NHS: variants seen among roughly 807,000 people sequenced by gnomAD.
NHS encodes actin remodeling regulator NHS.
Under a neutral mutation model 72.5 loss-of-function variants are expected in NHS, and 5 were observed. The observed-to-expected ratio is 0.07, with a 90% confidence interval of 0.04 to 0.14. The LOEUF is 0.14. NHS is among the 10% of genes least tolerant of loss of function. The pLI is 1.00. For synonymous variants in NHS, 464 were observed against 547.7 expected (o/e 0.85, Z 2.13); for missense variants, 1,072 against 1,355.7 (o/e 0.79, Z 3.29).
At chrX:17,704,582 G>A (rs1315644950) in intron 3 of NHS, among the ~76,000 whole-genome samples, 1 of 111,488 alleles carries the variant, frequency 9.0e-6, no homozygotes, top group Non-Finnish European at 1.9e-5. Flanking sequence ...ACAGGCGTGA[G>A]CCGCCACGCC....
intron 1 of NHS, among the ~76,000 whole-genome samples, chrX:17,512,184 A>C (rs2065092305): frequency 8.9e-6 from 1 of 111,975 alleles, no homozygotes; most frequent in African/African-American, 3.2e-5. Flanking sequence ...GAGTTTCTAG[A>C]AAATCACCAT....
intron 1 of NHS, among the ~76,000 whole-genome samples, chrX:17,616,261 G>C (rs2065746555): frequency 8.9e-6 from 1 of 112,733 alleles, no homozygotes; most frequent in South Asian, 3.7e-4. Flanking sequence ...CCTCTTCAGA[G>C]ATCTTGGCAG....
At chrX:17,554,461 G>T (rs762228044) in intron 1 of NHS, among the ~76,000 whole-genome samples, 18 of 112,564 alleles carry the variant, frequency 1.6e-4, no homozygotes, top group Non-Finnish European at 2.8e-4. Context: ...TGATGACAAG[G>T]TCATCAAGGA....
At chrX:17,686,508 G>A (rs1416110981) in intron 1 of NHS, among the ~76,000 whole-genome samples, 2 of 112,167 alleles carry the variant, frequency 1.8e-5, no homozygotes, top group Non-Finnish European at 3.8e-5. Context: ...GGGGTGCTCA[G>A]AAGCCCCTCT....
At chrX:17,457,937 G>C (rs73189136) in intron 1 of NHS, among the ~76,000 whole-genome samples, 1,985 of 111,325 alleles carry the variant, frequency 0.018, 19 homozygotes, top group Non-Finnish European at 0.029. Flanking sequence ...ATGAAACTTT[G>C]GTACATAAAT....
At chrX:17,617,208 C>T (rs1324565449) in intron 1 of NHS, among the ~76,000 whole-genome samples, 3 of 111,787 alleles carry the variant, frequency 2.7e-5, no homozygotes, top group South Asian at 3.8e-4. Flanking sequence ...TTGGGGTCTG[C>T]GTCTATACTG....
intron 1 of NHS, among the ~76,000 whole-genome samples, chrX:17,661,449 G>A (rs1295198267): frequency 2.8e-5 from 3 of 107,515 alleles, no homozygotes; most frequent in Non-Finnish European, 5.8e-5. Context: ...GACAGGCCCC[G>A]GTGTGTGATG....
intron 1 of NHS, among the ~76,000 whole-genome samples, chrX:17,579,073 G>T (rs1174520175): frequency 1.8e-5 from 2 of 112,292 alleles, no homozygotes; most frequent in African/African-American, 6.5e-5. Context: ...ATCAAATTCG[G>T]ATTTGTAAGC....
intron 1 of NHS, among the ~76,000 whole-genome samples, chrX:17,525,007 C>T (rs907307469): frequency 2.7e-5 from 3 of 111,972 alleles, no homozygotes; most frequent in Non-Finnish European, 5.6e-5. Context: ...ATCTTAGTAG[C>T]TGAGCTCACA....
chrX:17,433,257 G>A (rs1175917932), intron 1 of NHS, among the ~76,000 whole-genome samples: 1 of 93,330 alleles, frequency 1.1e-5, no homozygotes, highest in Non-Finnish European at 2.1e-5. Context: ...CACCATGTTA[G>A]CCAGGATGGT....
intron 1 of NHS, among the ~76,000 whole-genome samples, chrX:17,479,370 G>T (rs1176256912): frequency 8.9e-6 from 1 of 112,362 alleles, no homozygotes; most frequent in Non-Finnish European, 1.9e-5. Context: ...ATATACGTGT[G>T]CATGTGTCTT....
Position 17,377,137 on chromosome X carries a change from A to C in NHS, c.565+815A>C, listed in dbSNP as rs970233238. 1.2e-4 allele frequency among the ~76,000 whole-genome samples: 13 copies of C among 111,822 alleles called. No individual in the cohort carries two copies. In the Admixed American group the frequency reaches 1.2e-3, roughly 10 times the overall value. ...AGACTATCTTCCTCCTCCCCGGTGC[A>C]CTGTCGCCCAAATTTACTGGCACGT... On this transcript the variant is annotated intron_variant, in intron 1 of 8. Transcript: ENST00000676302.
At chrX:17,501,330 G>GT (rs1312126714) in intron 1 of NHS, among the ~76,000 whole-genome samples, 1 of 106,575 alleles carries the variant, frequency 9.4e-6, no homozygotes, top group Non-Finnish European at 1.9e-5. Context: ...TCTAGCCTGG[G>GT]TGACAGAGCA....
intron 1 of NHS, among the ~76,000 whole-genome samples, chrX:17,407,419 A>G (rs1044156737): frequency 9.0e-6 from 1 of 111,187 alleles, no homozygotes; most frequent in Admixed American, 9.6e-5. Flanking sequence ...TTATAACCCA[A>G]TTTTTCTCCA....
At chrX:17,575,028 A>C (rs2065502379) in intron 1 of NHS, among the ~76,000 whole-genome samples, 1 of 111,826 alleles carries the variant, frequency 8.9e-6, no homozygotes, top group Non-Finnish European at 1.9e-5. Flanking sequence ...ATTCAGTAAC[A>C]TCCGCTGCCT....
chrX:17,507,267 A>G (rs988521221), intron 1 of NHS, among the ~76,000 whole-genome samples: 2 of 112,350 alleles, frequency 1.8e-5, no homozygotes, highest in Non-Finnish European at 3.8e-5. Context: ...ATTAACAATC[A>G]TGAAATGAGT....
chrX:17,502,115 C>G (rs1204261723), intron 1 of NHS, among the ~76,000 whole-genome samples: 1 of 111,606 alleles, frequency 9.0e-6, no homozygotes, highest in Non-Finnish European at 1.9e-5. Context: ...GAAAAAAGGG[C>G]CTATTTGTCT....
chrX:17,703,130 A>G (rs900441882), intron 3 of NHS, among the ~76,000 whole-genome samples: 5 of 110,544 alleles, frequency 4.5e-5, no homozygotes, highest in African/African-American at 1.7e-4. Flanking sequence ...AGAAAGAAAG[A>G]AAGGAAAGAA....
Position 17,580,325 on chromosome X carries a change from C to T in NHS, c.566-107417C>T. On this transcript the variant is annotated intron_variant, in intron 1 of 8. Transcript: ENST00000676302. ...TAAGGTGTCTTCAGCTGCTAATTTT[C>T]ATTAAGCTATTCAACAAGTATTAAT... 2.7e-5 allele frequency among the ~76,000 whole-genome samples: 3 copies of T among 111,763 alleles called. 1 individual carries two copies. In the South Asian group the frequency reaches 1.1e-3, roughly 42 times the overall value.
Sources: allele counts gnomAD v4.1 joint callset (sites outside exome capture counted in the v4.1 genomes callset), GRCh38; gene constraint gnomAD v4.1.1; transcripts MANE v1.5; gene names NCBI Gene and HGNC (gene_info 2026-07-23, HGNC 2026-07-21).